The following SAMD3 variants were observed in gnomAD, a reference collection of about 807,000 sequenced individuals.
SAMD3 encodes sterile alpha motif domain containing 3.
A neutral mutation model predicts 58.5 loss-of-function variants in SAMD3; 63 were observed. That is an observed-to-expected ratio of 1.08 (90% CI 0.88 to 1.33). The LOEUF (loss-of-function observed/expected upper bound fraction) is 1.33, where lower values mean the gene tolerates loss of function less well. Ranked by LOEUF, SAMD3 falls within the 40% of genes most tolerant of loss-of-function variation. SAMD3 has a pLI of 0.00. For synonymous variants in SAMD3, 220 were observed against 210.3 expected (o/e 1.05, Z -0.40); for missense variants, 604 against 608.4 (o/e 0.99, Z 0.08).
intron 5 of SAMD3, among the ~76,000 whole-genome samples, chr6:130,189,802 AACTGAAAAC>A (rs1793360919): frequency 6.6e-6 from 1 of 152,244 alleles, no homozygotes; most frequent in South Asian, 2.1e-4. Flanking sequence ...TAAAAAAATT[AACTGAAAAC>A]ACTGAAATGT....
At chr6:130,258,960 A>C (rs377506491) in intron 2 of SAMD3, among the ~76,000 whole-genome samples, 8 of 152,146 alleles carry the variant, frequency 5.3e-5, no homozygotes, top group African/African-American at 1.9e-4. Context: ...AATTAGTGAG[A>C]TCTACCATTT....
At chr6:130,218,842 C>A (rs989076112) in intron 1 of SAMD3, among the ~76,000 whole-genome samples, 7 of 152,012 alleles carry the variant, frequency 4.6e-5, no homozygotes, top group African/African-American at 1.5e-4. Context: ...GTTTTGGAAC[C>A]TCAGGGAGGA....
Position 130,154,984 on chromosome 6 carries a change from A to T in SAMD3, c.864T>A (p.Ile288=). The change falls in exon 9 of 12, where the codon ATT becomes ATA. Residue 288 remains isoleucine (I), a synonymous_variant. Coordinates refer to ENST00000439090, the MANE Select transcript of SAMD3 (RefSeq NM_001017373.4). ...VCFDSELDEH[I]KWFQQEYVKT... Reference sequence around the variant, plus strand: ...TCACGTATTCTTGCTGGAACCACTTAATATGTTCATCTAGCTCAGAATCAA... The same window carrying T: ...TCACGTATTCTTGCTGGAACCACTTTATATGTTCATCTAGCTCAGAATCAA... 1 of 1,613,294 alleles carries T rather than the reference A, an allele frequency of 6.2e-7. No homozygotes were observed. The highest frequency in any genetic ancestry group is 8.5e-7 in the Non-Finnish European group (1 of 1,179,650).
At chr6:130,281,501 AT>A (rs1315668390) in intron 2 of SAMD3, among the ~76,000 whole-genome samples, 22 of 152,208 alleles carry the variant, frequency 1.4e-4, no homozygotes, top group Admixed American at 3.9e-4. Flanking sequence ...ATCTCCCTGC[AT>A]CTGTTCTTCA....
chr6:130,224,388 G>C (rs1172513683), upstream of SAMD3, among the ~76,000 whole-genome samples: 1 of 151,762 alleles, frequency 6.6e-6, no homozygotes, highest in Non-Finnish European at 1.5e-5. Context: ...CCTAGCCAGG[G>C]ACCCCATTCT....
intron 5 of SAMD3, among the ~76,000 whole-genome samples, chr6:130,192,681 T>C (rs922313925): frequency 6.6e-6 from 1 of 152,228 alleles, no homozygotes; most frequent in Non-Finnish European, 1.5e-5. Flanking sequence ...CAAAGCCTGT[T>C]TGGTGGTCTC....
At chr6:130,258,137 C>G (rs1773987163) in intron 2 of SAMD3, among the ~76,000 whole-genome samples, 4 of 151,876 alleles carry the variant, frequency 2.6e-5, no homozygotes, top group Admixed American at 2.6e-4. Context: ...TATCAATAAG[C>G]TGTTTTGAAC....
chr6:130,221,730 G>C (rs1263016310), intron 1 of SAMD3: 3 of 150,606 alleles, frequency 2.0e-5, no homozygotes, highest in Non-Finnish European at 2.9e-5. Context: ...TGGTCTTGCT[G>C]TCTCAGGGGT....
intron 2 of SAMD3, chr6:130,215,661 T>C (rs1795962702): frequency 4.6e-5 from 64 of 1,403,264 alleles, no homozygotes; most frequent in Non-Finnish European, 5.9e-5. Flanking sequence ...GGTGTGAAAT[T>C]CACCACTACC....
intron 1 of SAMD3, among the ~76,000 whole-genome samples, chr6:130,317,295 A>T (rs1323373995): frequency 6.6e-6 from 1 of 152,224 alleles, no homozygotes; most frequent in East Asian, 1.9e-4. Flanking sequence ...TGGCCAGTTC[A>T]TGAGAACTTT....
intron 8 of SAMD3, chr6:130,159,424 A>G (rs1235911947): frequency 6.6e-6 from 1 of 152,464 alleles, no homozygotes. Flanking sequence ...ACAGACTAAT[A>G]CAGAGGTACT....
intron 2 of SAMD3, among the ~76,000 whole-genome samples, chr6:130,311,696 G>C (rs1050853935): frequency 6.6e-6 from 1 of 152,158 alleles, no homozygotes; most frequent in African/African-American, 2.4e-5. Context: ...CAGGGCAAAG[G>C]ATATAAGAGT....
intron 2 of SAMD3, among the ~76,000 whole-genome samples, chr6:130,307,033 T>C (rs1025989776): frequency 3.9e-5 from 6 of 152,244 alleles, no homozygotes; most frequent in Non-Finnish European, 8.8e-5. Flanking sequence ...CTAGCCTTTT[T>C]GAATCATTTT....
intron 7 of SAMD3, chr6:130,176,256 C>T: frequency 1.9e-6 from 1 of 518,846 alleles, no homozygotes; most frequent in Non-Finnish European, 3.4e-6. Flanking sequence ...AATCTTTTCC[C>T]AATGTCATAT....
chr6:130,361,449 G>T (rs116500283), intron 1 of SAMD3, among the ~76,000 whole-genome samples: 1 of 152,158 alleles, frequency 6.6e-6, no homozygotes, highest in African/African-American at 2.4e-5. Flanking sequence ...CTTAATTCAG[G>T]TCTAAATGAT....
chr6:130,228,541 T>A (rs1562468935), intron 2 of SAMD3, among the ~76,000 whole-genome samples: 1 of 152,154 alleles, frequency 6.6e-6, no homozygotes, highest in Non-Finnish European at 1.5e-5. Flanking sequence ...TCCAATTACA[T>A]GAGCATTTCA....
At chr6:130,292,447 C>T (rs191411228) in intron 2 of SAMD3, among the ~76,000 whole-genome samples, 110 of 151,572 alleles carry the variant, frequency 7.3e-4, no homozygotes, top group African/African-American at 2.2e-3. Context: ...CCACCATGCC[C>T]GGCTAATTTT....
chr6:130,268,471 A>G (rs953857678), intron 2 of SAMD3, among the ~76,000 whole-genome samples: 1 of 152,178 alleles, frequency 6.6e-6, no homozygotes, highest in Non-Finnish European at 1.5e-5. Context: ...GTAGTGTACA[A>G]TAATGCCCTA....
At chr6:130,148,461 C>T (rs1788842065) in intron 9 of SAMD3, among the ~76,000 whole-genome samples, 1 of 152,214 alleles carries the variant, frequency 6.6e-6, no homozygotes, top group South Asian at 2.1e-4. Context: ...GTATTTCAGA[C>T]TCGTCTTGAC....
Sources: allele counts gnomAD v4.1 joint callset (sites outside exome capture counted in the v4.1 genomes callset), GRCh38; gene constraint gnomAD v4.1.1; transcripts MANE v1.5; gene names NCBI Gene and HGNC (gene_info 2026-07-23, HGNC 2026-07-21).